The following UBE3B variants were observed in gnomAD, a reference collection of about 807,000 sequenced individuals.
The protein encoded by UBE3B is ubiquitin-protein ligase E3B.
In UBE3B, 80 loss-of-function variants were observed where a neutral mutation model predicts 132.3. The ratio of observed to expected loss-of-function variants is 0.60; its 90% CI spans 0.50 to 0.73. The LOEUF (loss-of-function observed/expected upper bound fraction) is 0.73. Among genes scored for constraint, UBE3B ranks in the 30% least tolerant of loss-of-function variants. UBE3B has a pLI of 0.00. For missense variants in UBE3B, 1,196 were observed against 1,362.5 expected, an observed-to-expected ratio of 0.88 and a Z score of 1.92; for synonymous variants, 487 against 520.4, an observed-to-expected ratio of 0.94 and a Z score of 0.87.
chr12:109,497,624 C>G (rs1380311471), intron 9 of UBE3B, among the ~76,000 whole-genome samples, 194 bp from the exon 10 acceptor site: 1 of 152,168 alleles, frequency 6.6e-6, no homozygotes, highest in East Asian at 1.9e-4. Context: ...CATAGCTGCA[C>G]AGTATGGCAT....
At chr12:109,517,385 C>T (rs1449477566) in intron 19 of UBE3B, among the ~76,000 whole-genome samples, 2 of 152,150 alleles carry the variant, frequency 1.3e-5, no homozygotes, top group African/African-American at 2.4e-5. Flanking sequence ...ACTGAAGTGA[C>T]CCACCTGAGC....
chr12:109,494,623 T>C (rs180686260), intron 9 of UBE3B, among the ~76,000 whole-genome samples: 14 of 152,288 alleles, frequency 9.2e-5, no homozygotes, highest in African/African-American at 3.1e-4. Context: ...CACCCAGAGG[T>C]ACTTAAATGC....
intron 24 of UBE3B, among the ~76,000 whole-genome samples, chr12:109,528,884 C>T (rs904597618): frequency 6.8e-6 from 1 of 147,270 alleles, no homozygotes; most frequent in Non-Finnish European, 1.5e-5. Context: ...AAAGGCCAGG[C>T]GTGGTGGCTC....
Position 109,489,945 on chromosome 12 carries a change from C to T in UBE3B, c.571C>T (p.His191Tyr), listed in dbSNP as rs761632028. Residue 191 changes from histidine (H) to tyrosine (Y), a missense_variant, in exon 8 of 28, where the codon CAC becomes TAC. Transcript: ENST00000342494. ...TGAAAGTCTTCGACCAGCGATGAACCACATTTGTGCAAATATAATGGGACA... is the reference window on the plus strand; with the variant it reads ...TGAAAGTCTTCGACCAGCGATGAACTACATTTGTGCAAATATAATGGGACA... ...KGESLRPAMN[H>Y]ICANIMGHLN... 1.2e-6 allele frequency: 2 copies of T among 1,614,206 alleles called. No homozygotes were observed. Among genetic ancestry groups the T allele is most frequent in the South Asian group, 1.1e-5 (1 of 91,080 alleles).
intron 9 of UBE3B, among the ~76,000 whole-genome samples, chr12:109,494,222 A>G (rs1197921472): frequency 1.3e-5 from 2 of 151,990 alleles, no homozygotes; most frequent in African/African-American, 4.8e-5. Context: ...CAGAAATTAA[A>G]CCCAGGCTAT....
chr12:109,511,079 C>A, intron 17 of UBE3B, 125 bp from the exon 18 acceptor site: 1 of 788,162 alleles, frequency 1.3e-6, no homozygotes, highest in Non-Finnish European at 2.1e-6. Flanking sequence ...TGGTCATGTT[C>A]CCATCAGACT....
Position 109,483,667 on chromosome 12 carries a change from A to C in UBE3B, c.116A>C (p.His39Pro). Reference protein sequence around the residue: ...RERAAVVIQAHVRSFLCRSRL... With the variant: ...RERAAVVIQAPVRSFLCRSRL... ...CGGGCAGCTGTTGTGATCCAGGCCC[A>C]TGTCCGGAGTTTTCTCTGTCGGAGT... is the stretch of plus-strand genomic sequence containing the variant. The change falls in exon 3 of 28, where the codon CAT (histidine) becomes CCT (proline). Residue 39 changes from histidine (H) to proline (P), a missense_variant. Coordinates refer to ENST00000342494, the MANE Select transcript of UBE3B (RefSeq NM_130466.4). 6.2e-7 allele frequency: 1 copy of C among 1,612,370 alleles called. No individual in the cohort carries two copies. Among genetic ancestry groups the C allele is most frequent in the Non-Finnish European group, 8.5e-7 (1 of 1,179,440 alleles).
chr12:109,507,407 G>C (rs1216019243), intron 14 of UBE3B, among the ~76,000 whole-genome samples, 157 bp from the exon 15 acceptor site: 1 of 152,202 alleles, frequency 6.6e-6, no homozygotes, highest in African/African-American at 2.4e-5. Flanking sequence ...TGTTACTCTC[G>C]TGGTGATAAT....
chr12:109,497,739 G>T, intron 9 of UBE3B, 79 bp from the exon 10 acceptor site: 1 of 1,378,130 alleles, frequency 7.3e-7, no homozygotes, highest in South Asian at 1.2e-5. Context: ...CTAGGAATTT[G>T]AGCACGTTGG....
chr12:109,540,610 A>G (rs1883590724), downstream of UBE3B, among the ~76,000 whole-genome samples: 1 of 152,306 alleles, frequency 6.6e-6, no homozygotes, highest in East Asian at 1.9e-4. Flanking sequence ...GTAAAGGAAG[A>G]CACTTGTCGG....
At chr12:109,490,591 C>T (rs1037456689) in intron 8 of UBE3B, 2 of 1,535,868 alleles carry the variant, frequency 1.3e-6, no homozygotes, top group Non-Finnish European at 1.7e-6. Flanking sequence ...AGTTGTCTCG[C>T]TAGAGGAACC....
chr12:109,543,990 G>C, the UBE3B span, among the ~76,000 whole-genome samples: 1 of 152,118 alleles, frequency 6.6e-6, no homozygotes, highest in African/African-American at 2.4e-5. Context: ...ATCCTGAGGG[G>C]GTGTCGGCCT....
At chr12:109,498,415 G>A in intron 11 of UBE3B, 62 bp downstream of exon 11, 1 of 1,567,038 alleles carries the variant, frequency 6.4e-7, no homozygotes. Context: ...CGAGTGTTTT[G>A]CCTGTCACTA....
At chr12:109,487,417 C>T (rs1045082478) in intron 6 of UBE3B, among the ~76,000 whole-genome samples, 1 of 152,204 alleles carries the variant, frequency 6.6e-6, no homozygotes, top group African/African-American at 2.4e-5. Flanking sequence ...ACGAAAGTCC[C>T]CAGACCGCCC....
rs143939312 is a variant in UBE3B at position 109,511,353 on chromosome 12, G to A, written c.1956+50G>A. The stretch of plus-strand genomic sequence containing the variant: ...CCGATGTGTCTTTCTATTCCCCCAC[G>A]TGGTTCCTGCCTTTCCATCCTTGCT... On this transcript the variant is annotated intron_variant, in intron 18 of 27. Coordinates refer to ENST00000342494, the MANE Select transcript of UBE3B (RefSeq NM_130466.4). 9,343 of 1,558,682 alleles carry A rather than the reference G, an allele frequency of 6.0e-3. 39 individuals are homozygous for A. The highest frequency in any genetic ancestry group is 0.022 in the Middle Eastern group (132 of 5,886).
chr12:109,533,720 G>T (rs1200412577), intron 27 of UBE3B, 162 bp downstream of exon 27: 1 of 850,584 alleles, frequency 1.2e-6, no homozygotes, highest in African/African-American at 1.7e-5. Context: ...CACGGCAGGA[G>T]AACCAGCCAG....
chr12:109,486,405 CAGTT>C lies in UBE3B; in HGVS notation c.343-63_343-60del, dbSNP rs956353800. The C allele has an allele frequency of 2.8e-5, 37 of 1,324,698 alleles. 1 individual carries two copies. The highest frequency in any genetic ancestry group is 1.9e-4 in the Middle Eastern group (1 of 5,338). The allele number at this position is 1,324,698 out of a possible 1,614,324, so 82.1% of individuals were successfully genotyped here. A position where few individuals can be genotyped will look rare whatever the true frequency, so the allele number is the denominator to read the frequency against. On this transcript the variant is annotated intron_variant, in intron 5 of 27. Coordinates refer to ENST00000342494, the MANE Select transcript of UBE3B (RefSeq NM_130466.4). ...ACCTAACTAATAGGTCCAGTTCCAA[CAGTT>C]AGAGCACAAGTGATATGATCTCTAT...
intron 9 of UBE3B, among the ~76,000 whole-genome samples, chr12:109,497,563 A>G (rs1878383924): frequency 6.6e-6 from 1 of 151,724 alleles, no homozygotes; most frequent in Non-Finnish European, 1.5e-5. Context: ...TTTAAAGTTC[A>G]TTGTAGCATG....
In UBE3B at chr12:109,507,664, T is replaced by G. The variant is rs779532572; in HGVS notation, c.1551T>G (p.Asn517Lys). ...GLKLFLECLNNDTEESKQLLA... is the reference protein window; with the variant it reads ...GLKLFLECLNKDTEESKQLLA... ...AGCTCTTCTTGGAATGCCTGAACAA[T>G]GACACTGAAGAGTCCAAGCAACTCT... The change falls in exon 15 of 28, where the codon AAT becomes AAG. Residue 517 changes from asparagine to lysine, a missense_variant. Physicochemically the swap from Asn to Lys is moderately conservative, Grantham distance 94 (BLOSUM62 0). Coordinates refer to ENST00000342494, the MANE Select transcript of UBE3B (RefSeq NM_130466.4). 168 of 1,614,248 alleles carry G rather than the reference T, an allele frequency of 1.0e-4. 1 individual carries two copies. The South Asian group carries it at 1.8e-3, about 17-fold the overall frequency.
Sources: gnomAD v4.1 joint callset for allele counts (sites outside exome capture counted in the v4.1 genomes callset) on GRCh38, gnomAD v4.1.1 for gene constraint, MANE v1.5 for transcripts, NCBI Gene and HGNC (gene_info 2026-07-23, HGNC 2026-07-21) for gene names.